Variants in KCNH1 observed in about 807,000 individuals in gnomAD.
The protein encoded by KCNH1 is voltage-gated delayed rectifier potassium channel KCNH1.
Under a neutral mutation model 69.2 loss-of-function variants are expected in KCNH1, and 27 were observed. The observed-to-expected ratio is 0.39, with a 90% confidence interval of 0.29 to 0.54. KCNH1 has a LOEUF of 0.54. KCNH1 is among the 20% of genes least tolerant of loss of function. The pLI is 0.68. For synonymous variants in KCNH1, 456 were observed against 487.7 expected (o/e 0.93, Z 0.86); for missense variants, 798 against 1,261.6 (o/e 0.63, Z 5.57).
At chr1:210,996,847 C>T (rs1486531609) in intron 6 of KCNH1, among the ~76,000 whole-genome samples, 1 of 152,146 alleles carries the variant, frequency 6.6e-6, no homozygotes, top group African/African-American at 2.4e-5. Context: ...GTTCTATAGC[C>T]ACCGCTGTTC....
At chr1:210,717,489 T>TGTCA (rs1227949742) in intron 10 of KCNH1, among the ~76,000 whole-genome samples, 1 of 152,180 alleles carries the variant, frequency 6.6e-6, no homozygotes, top group Non-Finnish European at 1.5e-5. Flanking sequence ...CTGGGCCTCA[T>TGTCA]GTCACTCCTG....
chr1:211,128,480 T>C (rs1225114373), intron 1 of KCNH1, among the ~76,000 whole-genome samples: 1 of 151,892 alleles, frequency 6.6e-6, no homozygotes, highest in Non-Finnish European at 1.5e-5. Context: ...GGTAAAATTA[T>C]GAGGAAAAGC....
intron 7 of KCNH1, among the ~76,000 whole-genome samples, chr1:210,866,311 C>A (rs1686108112): frequency 6.6e-6 from 1 of 152,038 alleles, no homozygotes; most frequent in Non-Finnish European, 1.5e-5. Flanking sequence ...AAGATACCAT[C>A]AAGCTAGTAA....
intron 10 of KCNH1, among the ~76,000 whole-genome samples, chr1:210,717,641 T>A (rs2149022740): frequency 6.6e-6 from 1 of 152,314 alleles, no homozygotes; most frequent in South Asian, 2.1e-4. Flanking sequence ...CTGGTATTTC[T>A]TGTTACCCCT....
At chr1:210,695,332 A>G (rs1357691397) in intron 10 of KCNH1, among the ~76,000 whole-genome samples, 1 of 152,210 alleles carries the variant, frequency 6.6e-6, no homozygotes, top group Non-Finnish European at 1.5e-5. Context: ...TTCCCAGTTT[A>G]CAGATGTGAT....
At chr1:210,701,379 G>T (rs1366957251) in intron 10 of KCNH1, among the ~76,000 whole-genome samples, 3 of 152,148 alleles carry the variant, frequency 2.0e-5, no homozygotes, top group Non-Finnish European at 4.4e-5. Context: ...GGCTTGGTTT[G>T]TACTTTTTGT....
chr1:210,928,129 C>T (rs1051575760), intron 6 of KCNH1, among the ~76,000 whole-genome samples: 48 of 152,202 alleles, frequency 3.2e-4, no homozygotes, highest in African/African-American at 1.2e-3. Context: ...CTTTAATACT[C>T]CACAGACAAC....
intron 3 of KCNH1, among the ~76,000 whole-genome samples, chr1:211,102,843 C>T (rs1056109670): frequency 6.6e-6 from 1 of 152,164 alleles, no homozygotes; most frequent in Non-Finnish European, 1.5e-5. Flanking sequence ...AAAACAGAAA[C>T]AAACCACTAT....
At chr1:210,700,410 T>G (rs1341024968) in intron 10 of KCNH1, among the ~76,000 whole-genome samples, 1 of 152,180 alleles carries the variant, frequency 6.6e-6, no homozygotes, top group Non-Finnish European at 1.5e-5. Flanking sequence ...AGGCCAAGGC[T>G]GGGGTATAGA....
chr1:210,861,435 A>T, intron 7 of KCNH1: 1 of 776,630 alleles, frequency 1.3e-6, no homozygotes, highest in Non-Finnish European at 2.4e-6. Context: ...TACTCCTAGG[A>T]AACACTGCCA....
intron 5 of KCNH1, among the ~76,000 whole-genome samples, chr1:211,050,290 A>AAAAAAAAAAAG (rs1690176928): frequency 6.9e-6 from 1 of 145,304 alleles, no homozygotes; most frequent in Non-Finnish European, 1.5e-5. Flanking sequence ...AAAAAAAAAA[A>AAAAAAAAAAAG]GGACAGCTTG....
intron 10 of KCNH1, among the ~76,000 whole-genome samples, chr1:210,697,624 A>G (rs1232420876): frequency 1.3e-5 from 2 of 152,326 alleles, no homozygotes; most frequent in East Asian, 3.9e-4. Flanking sequence ...CCTTAGTCTG[A>G]CCCTGGCAGA....
At chr1:210,967,484 T>C (rs535252025) in intron 6 of KCNH1, among the ~76,000 whole-genome samples, 1 of 151,728 alleles carries the variant, frequency 6.6e-6, no homozygotes, top group Non-Finnish European at 1.5e-5. Context: ...TTACATGTGA[T>C]ATGAGGGAGA....
intron 5 of KCNH1, among the ~76,000 whole-genome samples, chr1:211,058,820 C>A (rs1179210131): frequency 1.3e-5 from 2 of 152,038 alleles, no homozygotes; most frequent in Non-Finnish European, 1.5e-5. Context: ...AAACAAGACT[C>A]AAAAATCTGT....
chr1:211,104,338 G>A (rs1285943116), intron 2 of KCNH1, among the ~76,000 whole-genome samples: 1 of 152,076 alleles, frequency 6.6e-6, no homozygotes, highest in Non-Finnish European at 1.5e-5. Context: ...AGATGGCTGA[G>A]TAAGTTTAGA....
intron 7 of KCNH1, among the ~76,000 whole-genome samples, chr1:210,897,566 G>C (rs1686898256): frequency 6.6e-6 from 1 of 152,192 alleles, no homozygotes; most frequent in Admixed American, 6.5e-5. Flanking sequence ...CCCTGGATAT[G>C]AAATCAGACA....
At chr1:210,745,000 C>T (rs1297965061) in intron 10 of KCNH1, among the ~76,000 whole-genome samples, 2 of 102,770 alleles carry the variant, frequency 1.9e-5, no homozygotes, top group Non-Finnish European at 4.2e-5. Flanking sequence ...GTCAGGAATT[C>T]GAGACCAGCC....
At chr1:211,053,107 A>G (rs780480939) in intron 5 of KCNH1, among the ~76,000 whole-genome samples, 9 of 152,254 alleles carry the variant, frequency 5.9e-5, no homozygotes, top group Non-Finnish European at 1.2e-4. Flanking sequence ...GAGGGAAGAA[A>G]GAAAATGGCT....
chr1:210,897,471 G>C (rs760216085), intron 7 of KCNH1, among the ~76,000 whole-genome samples: 42 of 152,284 alleles, frequency 2.8e-4, no homozygotes, highest in Non-Finnish European at 5.7e-4. Context: ...ATCTGCATGG[G>C]TAGGGAAAGA....
Sources: allele counts gnomAD v4.1 joint callset (sites outside exome capture counted in the v4.1 genomes callset), GRCh38; gene constraint gnomAD v4.1.1; transcripts MANE v1.5; gene names NCBI Gene and HGNC (gene_info 2026-07-23, HGNC 2026-07-21).